Variants in NRXN3 observed in about 807,000 individuals in gnomAD.
NRXN3 encodes neurexin III.
A neutral mutation model predicts 137.6 loss-of-function variants in NRXN3; 32 were observed. That is an observed-to-expected ratio of 0.23 (90% CI 0.18 to 0.31). NRXN3 has a LOEUF of 0.31. NRXN3 is among the 10% of genes least tolerant of loss of function. The pLI is 1.00. For synonymous variants in NRXN3, 798 were observed against 784.5 expected, an observed-to-expected ratio of 1.02 and a Z score of -0.29; for missense variants, 1,574 against 2,062.5, an observed-to-expected ratio of 0.76 and a Z score of 4.59.
intron 10 of NRXN3, among the ~76,000 whole-genome samples, chr14:78,936,677 G>A (rs992880840): frequency 5.9e-5 from 9 of 152,152 alleles, no homozygotes; most frequent in African/African-American, 2.2e-4. Flanking sequence ...AGTGTATCAT[G>A]TGTCCATTAT....
intron 4 of NRXN3, among the ~76,000 whole-genome samples, chr14:78,566,521 C>T (rs2096837853): frequency 6.6e-6 from 1 of 152,152 alleles, no homozygotes; most frequent in South Asian, 2.1e-4. Flanking sequence ...TCCAAGCTGG[C>T]GGTGCTGGGT....
intron 1 of NRXN3, among the ~76,000 whole-genome samples, chr14:78,172,506 T>C (rs1165770317): frequency 1.3e-5 from 2 of 152,184 alleles, no homozygotes; most frequent in Non-Finnish European, 2.9e-5. Flanking sequence ...CTAAGTCATA[T>C]GGGGCAAACG....
At chr14:79,113,485 T>C (rs1714025195) in intron 15 of NRXN3, among the ~76,000 whole-genome samples, 1 of 152,202 alleles carries the variant, frequency 6.6e-6, no homozygotes, top group Admixed American at 6.5e-5. Flanking sequence ...ACCTTTAAAT[T>C]GTCTCCTTTA....
chr14:79,416,646 CTGTT>C (rs2095501333), intron 15 of NRXN3, among the ~76,000 whole-genome samples: 2 of 152,206 alleles, frequency 1.3e-5, no homozygotes, highest in Non-Finnish European at 2.9e-5. Context: ...TTATTTGTCT[CTGTT>C]TGAACCCATG....
Position 79,565,348 on chromosome 14 carries a change from C to CACACATATTGTGTGT in NRXN3, c.3444+97946_3444+97947insACACATATTGTGTGT, listed in dbSNP as rs1382372387. Among the ~76,000 whole-genome samples, 105 of 142,140 alleles carry CACACATATTGTGTGT rather than the reference C, an allele frequency of 7.4e-4. 1 individual carries two copies. The highest frequency in any genetic ancestry group is 2.1e-3 in the African/African-American group (84 of 39,524). The allele number at this position is 142,140 out of a possible 152,430, so 93.2% of individuals were successfully genotyped here. On this transcript the variant is annotated intron_variant, in intron 16 of 20. Coordinates refer to ENST00000335750, the MANE Select transcript of NRXN3 (RefSeq NM_001330195.2). The stretch of plus-strand genomic sequence containing the variant: ...GTGTATATATATATACATATGTGTG[C>CACACATATTGTGTGT]GTATATGTATACACACACACATATG...
intron 15 of NRXN3, among the ~76,000 whole-genome samples, chr14:79,463,813 G>C (rs1480599868): frequency 6.6e-6 from 1 of 152,122 alleles, no homozygotes; most frequent in East Asian, 1.9e-4. Flanking sequence ...AGGGGAGAAA[G>C]CATGTAATGT....
At chr14:79,397,183 T>A (rs2095050729) in intron 15 of NRXN3, among the ~76,000 whole-genome samples, 1 of 152,196 alleles carries the variant, frequency 6.6e-6, no homozygotes. Flanking sequence ...TTCAGTTAAG[T>A]GTTAGCCTGA....
intron 15 of NRXN3, among the ~76,000 whole-genome samples, chr14:79,304,216 T>G (rs142549678): frequency 6.6e-6 from 1 of 152,000 alleles, no homozygotes. Flanking sequence ...GACAGTTCAT[T>G]CAGCAGCAGG....
At chr14:78,660,448 G>A (rs1217612317) in intron 6 of NRXN3, among the ~76,000 whole-genome samples, 2 of 151,892 alleles carry the variant, frequency 1.3e-5, no homozygotes, top group African/African-American at 2.4e-5. Context: ...TATTCACCTG[G>A]TCATGGTTTC....
chr14:79,752,157 C>T lies in NRXN3; in HGVS notation c.4015-52955C>T, dbSNP rs546968075. 3.2e-4 allele frequency among the ~76,000 whole-genome samples: 48 copies of T among 152,262 alleles called. No individual in the cohort carries two copies. The East Asian group carries it at 8.5e-3, about 27-fold the overall frequency. On this transcript the variant is annotated intron_variant, in intron 19 of 20. Transcript: ENST00000335750. Reference sequence around the variant, plus strand: ...GTTTCAGAAGGAATGGTACCAGTTCCGCCTTGTACCTCTGGTAGAATTCGG... The same window carrying T: ...GTTTCAGAAGGAATGGTACCAGTTCTGCCTTGTACCTCTGGTAGAATTCGG...
At chr14:78,233,298 A>G (rs1394368872) in intron 1 of NRXN3, among the ~76,000 whole-genome samples, 1 of 152,170 alleles carries the variant, frequency 6.6e-6, no homozygotes, top group African/African-American at 2.4e-5. Flanking sequence ...GTGAAAAGAC[A>G]GTCTGGTTCT....
intron 4 of NRXN3, among the ~76,000 whole-genome samples, chr14:78,638,312 C>T (rs1369571130): frequency 1.3e-5 from 2 of 152,140 alleles, no homozygotes; most frequent in African/African-American, 2.4e-5. Flanking sequence ...CACAATTTCC[C>T]GTCTGCTGGT....
At chr14:78,934,682 C>A (rs1331479674) in intron 10 of NRXN3, among the ~76,000 whole-genome samples, 1 of 151,952 alleles carries the variant, frequency 6.6e-6, no homozygotes, top group African/African-American at 2.4e-5. Flanking sequence ...AAGCTAGAAA[C>A]CATCATTCTC....
chr14:79,154,521 G>A (rs1415031770), intron 15 of NRXN3, among the ~76,000 whole-genome samples: 1 of 151,728 alleles, frequency 6.6e-6, no homozygotes, highest in African/African-American at 2.4e-5. Flanking sequence ...TTTGCCTCAA[G>A]CCCCATCATT....
chr14:78,509,117 C>T (rs909827666), intron 4 of NRXN3, among the ~76,000 whole-genome samples: 3 of 152,036 alleles, frequency 2.0e-5, no homozygotes, highest in African/African-American at 4.8e-5. Flanking sequence ...CTGGCCAACA[C>T]GGTGAAACCT....
chr14:79,454,914 A>G (rs2096237548), intron 15 of NRXN3, among the ~76,000 whole-genome samples: 1 of 152,164 alleles, frequency 6.6e-6, no homozygotes, highest in African/African-American at 2.4e-5. Flanking sequence ...CTGAAATCAT[A>G]TTTTTCTTCT....
chr14:78,638,882 C>T (rs115327218), intron 4 of NRXN3, among the ~76,000 whole-genome samples: 1,682 of 152,314 alleles, frequency 0.011, 42 homozygotes, highest in African/African-American at 0.039. Context: ...ACTGTGCAAT[C>T]GTGGACTTAT....
chr14:79,125,860 G>A (rs1349210759), intron 15 of NRXN3, among the ~76,000 whole-genome samples: 1 of 152,030 alleles, frequency 6.6e-6, no homozygotes, highest in Non-Finnish European at 1.5e-5. Context: ...TACACTGCAT[G>A]ATGTATACTT....
At chr14:78,181,041 T>C (rs909979965) in intron 1 of NRXN3, among the ~76,000 whole-genome samples, 2 of 152,158 alleles carry the variant, frequency 1.3e-5, no homozygotes, top group Non-Finnish European at 2.9e-5. Flanking sequence ...TGCTAACTGA[T>C]AGTTTGGAAC....
Sources: gnomAD v4.1 joint callset for allele counts (sites outside exome capture counted in the v4.1 genomes callset) on GRCh38, gnomAD v4.1.1 for gene constraint, MANE v1.5 for transcripts, NCBI Gene and HGNC (gene_info 2026-07-23, HGNC 2026-07-21) for gene names.